ZNF385D: variants seen among roughly 807,000 people sequenced by gnomAD.
The protein encoded by ZNF385D is zinc finger protein 659.
ZNF385D carries 15 observed loss-of-function variants against 35.8 expected under a neutral mutation model. The observed-to-expected ratio is 0.42, with a 90% CI of 0.28 to 0.64. The LOEUF (loss-of-function observed/expected upper bound fraction) is 0.64. Ranked by LOEUF, ZNF385D falls within the 30% of genes least tolerant of loss-of-function variation. The pLI, the probability that ZNF385D is intolerant of heterozygous loss-of-function variation, is 0.23. For synonymous variants in ZNF385D, 212 were observed against 186.8 expected (o/e 1.13, Z -1.10); for missense variants, 474 against 494.6 (o/e 0.96, Z 0.39).
At chr3:21,529,141 C>G (rs576712276) in intron 3 of ZNF385D, among the ~76,000 whole-genome samples, 1 of 152,074 alleles carries the variant, frequency 6.6e-6, no homozygotes, top group East Asian at 1.9e-4. Context: ...TCAATATTTA[C>G]TTTGTATGGT....
At chr3:22,240,583 C>T (rs1477545515) in intron 2 of ZNF385D, among the ~76,000 whole-genome samples, 6 of 150,972 alleles carry the variant, frequency 4.0e-5, no homozygotes, top group African/African-American at 1.5e-4. Context: ...ATGGACTGCA[C>T]AATGTGACCT....
intron 1 of ZNF385D, among the ~76,000 whole-genome samples, chr3:21,680,219 A>T (rs894819295): frequency 6.6e-6 from 1 of 151,986 alleles, no homozygotes; most frequent in Non-Finnish European, 1.5e-5. Flanking sequence ...ACAAACATTC[A>T]TTCAATATTT....
chr3:21,684,671 C>G (rs1250117761), intron 1 of ZNF385D, among the ~76,000 whole-genome samples: 3 of 152,002 alleles, frequency 2.0e-5, no homozygotes, highest in Non-Finnish European at 4.4e-5. Flanking sequence ...TTCTGATGTT[C>G]TTATAAAGGT....
intron 3 of ZNF385D, among the ~76,000 whole-genome samples, chr3:22,104,753 T>C (rs779185): frequency 0.13 from 19,878 of 152,168 alleles, 1,630 homozygotes; most frequent in Middle Eastern, 0.22. Flanking sequence ...GGGAGATAAA[T>C]TGTACCACCT....
At chr3:21,747,166 G>T (rs532438114) in intron 1 of ZNF385D, among the ~76,000 whole-genome samples, 1 of 151,662 alleles carries the variant, frequency 6.6e-6, no homozygotes, top group South Asian at 2.1e-4. Context: ...AATGAAGAGA[G>T]TTGATCCACA....
At chr3:21,870,061 A>C (rs1697603929) in intron 3 of ZNF385D, among the ~76,000 whole-genome samples, 1 of 152,102 alleles carries the variant, frequency 6.6e-6, no homozygotes, top group South Asian at 2.1e-4. Flanking sequence ...TCATTGTTAA[A>C]TTTGAACAGT....
At chr3:22,328,310 T>G (rs1030792651) in intron 2 of ZNF385D, among the ~76,000 whole-genome samples, 2 of 152,106 alleles carry the variant, frequency 1.3e-5, no homozygotes, top group African/African-American at 4.8e-5. Context: ...CATTTTCTTT[T>G]GATTTAGGGA....
rs182568978 is a variant in ZNF385D at position 22,276,448 on chromosome 3, A to G, written c.106+96002T>C. On this transcript the variant is annotated intron_variant, in intron 2 of 5. Coordinates refer to the ZNF385D transcript ENST00000494108. ...GATACATTACTGGACTAAAAGTTAT[A>G]AGTCCTGCATCTGAGACCCAGATCT... is the stretch of plus-strand genomic sequence containing the variant. Among the ~76,000 whole-genome samples the G allele has an allele frequency of 8.5e-5, 13 of 152,190 alleles. No individual in the cohort carries two copies. In the East Asian group the frequency reaches 2.1e-3, roughly 25 times the overall value.
intron 2 of ZNF385D, among the ~76,000 whole-genome samples, chr3:22,314,436 A>C (rs968101186): frequency 2.6e-5 from 4 of 152,188 alleles, no homozygotes; most frequent in Admixed American, 2.6e-4. Context: ...TCCAGATTGC[A>C]GTGAATGCCA....
chr3:22,319,533 T>TG (rs1326247178), intron 2 of ZNF385D, among the ~76,000 whole-genome samples: 1 of 152,148 alleles, frequency 6.6e-6, no homozygotes, highest in African/African-American at 2.4e-5. Context: ...GAAATGCTGT[T>TG]GTTCAAATCT....
At chr3:22,117,670 C>T (rs1353162019) in intron 3 of ZNF385D, among the ~76,000 whole-genome samples, 1 of 151,566 alleles carries the variant, frequency 6.6e-6, no homozygotes, top group Non-Finnish European at 1.5e-5. Flanking sequence ...TTAATGGTTA[C>T]AAATTTCTAA....
At chr3:21,851,235 A>T (rs1474848029) in intron 3 of ZNF385D, among the ~76,000 whole-genome samples, 1 of 152,082 alleles carries the variant, frequency 6.6e-6, no homozygotes, top group Non-Finnish European at 1.5e-5. Context: ...CTGATCAGGC[A>T]TTACAGAAGA....
At chr3:21,590,198 T>C (rs1296826971) in intron 2 of ZNF385D, among the ~76,000 whole-genome samples, 1 of 152,138 alleles carries the variant, frequency 6.6e-6, no homozygotes, top group Non-Finnish European at 1.5e-5. Flanking sequence ...TGTGTCAACA[T>C]GGATGGATCT....
intron 2 of ZNF385D, among the ~76,000 whole-genome samples, chr3:22,212,704 TTAGG>T (rs1298715261): frequency 2.6e-5 from 4 of 151,994 alleles, no homozygotes; most frequent in Non-Finnish European, 5.9e-5. Flanking sequence ...CATCTTAGGG[TTAGG>T]TAAAGCATAA....
chr3:21,676,804 T>TA (rs920885685), intron 1 of ZNF385D, among the ~76,000 whole-genome samples: 2 of 147,458 alleles, frequency 1.4e-5, no homozygotes, highest in African/African-American at 2.5e-5. Flanking sequence ...TTTTTTTTTT[T>TA]ATTGTATTAT....
chr3:22,263,998 T>C (rs1700765001), intron 2 of ZNF385D, among the ~76,000 whole-genome samples: 2 of 151,996 alleles, frequency 1.3e-5, no homozygotes, highest in East Asian at 1.9e-4. Context: ...TCCCTGCTTA[T>C]TGTCTAGCTG....
chr3:21,821,776 C>T (rs1272617715), intron 3 of ZNF385D, among the ~76,000 whole-genome samples: 1 of 151,954 alleles, frequency 6.6e-6, no homozygotes, highest in Non-Finnish European at 1.5e-5. Flanking sequence ...GACTGAGCAA[C>T]ACAATGAGAA....
intron 3 of ZNF385D, among the ~76,000 whole-genome samples, chr3:22,138,720 G>A (rs1165028840): frequency 2.0e-5 from 3 of 152,064 alleles, no homozygotes; most frequent in Non-Finnish European, 4.4e-5. Flanking sequence ...AACCCTAGAA[G>A]AAAACCTAGG....
At chr3:21,425,384 A>G (rs775111414) in intron 6 of ZNF385D, 108 bp downstream of exon 6, 20 of 1,163,808 alleles carry the variant, frequency 1.7e-5, no homozygotes, top group Non-Finnish European at 2.3e-5. Context: ...GGATGAATAG[A>G]TGGGTGAATG....
Sources: allele counts gnomAD v4.1 joint callset (sites outside exome capture counted in the v4.1 genomes callset), GRCh38; gene constraint gnomAD v4.1.1; transcripts MANE v1.5; gene names NCBI Gene and HGNC (gene_info 2026-07-23, HGNC 2026-07-21).